The following DENND2D variants were observed in gnomAD, a reference collection of about 807,000 sequenced individuals.
DENND2D encodes DENN domain containing 2D.
DENND2D carries 37 observed loss-of-function variants against 59.8 expected under a neutral mutation model. The ratio of observed to expected loss-of-function variants is 0.62; its 90% CI spans 0.48 to 0.81. The LOEUF is 0.81. Ranked by LOEUF, DENND2D falls within the 40% of genes least tolerant of loss-of-function variation. The pLI is 0.00. For synonymous variants in DENND2D, 219 were observed against 211.3 expected, an observed-to-expected ratio of 1.04 and a Z score of -0.31; for missense variants, 525 against 579.7, an observed-to-expected ratio of 0.91 and a Z score of 0.97.
At chr1:111,188,591 T>C in intron 10 of DENND2D, 111 bp downstream of exon 10, 1 of 1,228,262 alleles carries the variant, frequency 8.1e-7, no homozygotes, top group Non-Finnish European at 1.2e-6. Flanking sequence ...TCTAGGCCTC[T>C]AGGGCTGGTC....
At chr1:111,193,016 G>C (rs912442929) in intron 7 of DENND2D, among the ~76,000 whole-genome samples, 1 of 152,124 alleles carries the variant, frequency 6.6e-6, no homozygotes, top group Non-Finnish European at 1.5e-5. Context: ...AGCATTTCTC[G>C]TCACTCCTGC....
intron 10 of DENND2D, 106 bp downstream of exon 10, chr1:111,188,596 C>G: frequency 8.1e-7 from 1 of 1,229,008 alleles, no homozygotes; most frequent in East Asian, 2.3e-5. Flanking sequence ...GCCTCTAGGG[C>G]TGGTCTAGGA....
chr1:111,198,913 T>A (rs77286992), intron 2 of DENND2D, among the ~76,000 whole-genome samples, 171 bp from the exon 3 acceptor site: 1,628 of 152,284 alleles, frequency 0.011, 28 homozygotes, highest in African/African-American at 0.037. Context: ...ACAGTTTGCA[T>A]TCTGGGTCCA....
rs943509499 is a variant in DENND2D, at chr1:111,187,534, C to G, written c.*71G>C. 1 of 1,354,414 alleles carries G rather than the reference C, an allele frequency of 7.4e-7. No homozygotes were observed. The highest frequency in any genetic ancestry group is 1.4e-5 in the African/African-American group (1 of 69,480). 83.9% of individuals were successfully genotyped at this position (1,354,414 alleles called of 1,614,324 possible). On this transcript the variant is annotated 3_prime_UTR_variant, in exon 12 of 12. Coordinates refer to ENST00000357640, the MANE Select transcript of DENND2D (RefSeq NM_024901.5). ...TTTGGGAGCTGACAGTTTTGCTGAT[C>G]CTGCCACACTGGCAGGGGCTGAAGT...
intron 11 of DENND2D, 62 bp from the exon 12 acceptor site, chr1:111,187,743 C>T (rs1157717805): frequency 7.6e-7 from 1 of 1,321,326 alleles, no homozygotes; most frequent in Non-Finnish European, 1.1e-6. Context: ...ATAATGAGCT[C>T]AGGAATAAGG....
At chr1:111,194,384 G>GT (rs1658031475) in intron 7 of DENND2D, among the ~76,000 whole-genome samples, 194 bp downstream of exon 7, 1 of 152,226 alleles carries the variant, frequency 6.6e-6, no homozygotes, top group Admixed American at 6.5e-5. Context: ...CCAGGCAGCA[G>GT]TCCTGTGTGG....
At position 111,200,635 on chromosome 1, in the gene DENND2D, C is replaced by T; in HGVS notation, c.-176G>A. 1 of 1,404,110 alleles carries T rather than the reference C, an allele frequency of 7.1e-7. No individual in the cohort carries two copies. The highest frequency in any genetic ancestry group is 9.4e-7 in the Non-Finnish European group (1 of 1,067,488). The allele number at this position is 1,404,110 out of a possible 1,614,324, so 87.0% of individuals were successfully genotyped here. ...CCATCCTGTGCACCCAGTGGTTGAG[C>T]AAGAAGGATGTGACGGGACCCAGGA... is the stretch of plus-strand genomic sequence containing the variant. On this transcript the variant is annotated 5_prime_UTR_variant, in exon 1 of 12. Transcript: ENST00000357640.
intron 6 of DENND2D, chr1:111,195,259 C>G (rs1219857826): frequency 6.5e-6 from 1 of 154,620 alleles, no homozygotes; most frequent in Non-Finnish European, 1.4e-5. Flanking sequence ...GGACCACATT[C>G]ATTTTGGTCA....
chr1:111,190,929 A>G (rs1326198096), intron 8 of DENND2D, among the ~76,000 whole-genome samples: 1 of 152,122 alleles, frequency 6.6e-6, no homozygotes, highest in East Asian at 1.9e-4. Context: ...GTGTGTATAA[A>G]TAATTTGTTT....
chr1:111,188,271 C>G lies in DENND2D; in HGVS notation c.1199G>C (p.Gly400Ala). Residue 400 changes from glycine (G) to alanine (A), a missense_variant, in exon 11 of 12, where the codon GGG (glycine) becomes GCG (alanine). Coordinates refer to ENST00000357640, the MANE Select transcript of DENND2D (RefSeq NM_024901.5). ...GGATCTTTCTTGGAAGTGGCCTTGC[C>G]CATTTGCCTCCCGCTTGATATAGGA... The part of the protein sequence containing the change: ...YASYIKREAN[G>A]QGHFQERSFC... 1 of 1,614,158 alleles carries G rather than the reference C, an allele frequency of 6.2e-7. No homozygotes were observed. Among genetic ancestry groups the G allele is most frequent in the Non-Finnish European group, 8.5e-7 (1 of 1,180,028 alleles).
At position 111,197,092 on chromosome 1, in the gene DENND2D, C is replaced by T. The variant is rs1658302513; in HGVS notation, c.504+84G>A. The stretch of plus-strand genomic sequence containing the variant: ...GACTCTGGCTATGGGAGAAGAGCTC[C>T]ACTAAGAGCTTAGTTGCACAGGCAG... On this transcript the variant is annotated intron_variant, in intron 5 of 11. Transcript: ENST00000357640. 8 of 1,440,632 alleles carry T rather than the reference C, an allele frequency of 5.6e-6. No homozygotes were observed. In the South Asian group the frequency reaches 9.7e-5, roughly 18 times the overall value. The allele number at this position is 1,440,632 out of a possible 1,614,324, so 89.2% of individuals were successfully genotyped here.
chr1:111,187,768 G>T, intron 11 of DENND2D, 87 bp from the exon 12 acceptor site: 1 of 1,085,054 alleles, frequency 9.2e-7, no homozygotes, highest in Non-Finnish European at 1.4e-6. Context: ...GAAATATCCT[G>T]TCTGCTCCCC....
chr1:111,188,695 G>GACTT lies in DENND2D; in HGVS notation c.1099+3_1099+6dup, dbSNP rs747744227. 7.5e-6 allele frequency: 12 copies of GACTT among 1,602,768 alleles called. No individual in the cohort carries two copies. Among genetic ancestry groups the GACTT allele is most frequent in the Non-Finnish European group, 9.4e-6 (11 of 1,169,856 alleles). ...TGGAGAGACCCAAAATAAGAGTAAG[G>GACTT]ACTTACTCTTTAACTCATTGATCCC... On this transcript the variant is annotated splice_region_variant and intron_variant, in intron 10 of 11. Coordinates refer to ENST00000357640, the MANE Select transcript of DENND2D (RefSeq NM_024901.5).
At chr1:111,192,390 C>T (rs1045750179) in intron 7 of DENND2D, 73 bp from the exon 8 acceptor site, 33 of 1,416,412 alleles carry the variant, frequency 2.3e-5, no homozygotes, top group Non-Finnish European at 3.1e-5. Flanking sequence ...CATCGCCCAC[C>T]ACCAACAGCA....
At position 111,187,632 on chromosome 1, in the gene DENND2D, C is replaced by T. The variant is rs768595210; in HGVS notation, c.1389G>A (p.Lys463=). 1.1e-5 allele frequency: 17 copies of T among 1,613,680 alleles called. No homozygotes were observed. Among genetic ancestry groups the T allele is most frequent in the Non-Finnish European group, 1.4e-5 (17 of 1,179,780 alleles). The change falls in exon 12 of 12, where the codon AAG becomes AAA. Residue 463 remains lysine, a synonymous_variant. Coordinates refer to ENST00000357640, the MANE Select transcript of DENND2D (RefSeq NM_024901.5). ...ILEYEEQKKQ[K]KPREKTVK ...ATTTCACAGTTTTTTCCCTTGGTTTCTTCTGTTTCTTCTGTTCCTCATATT... is the reference window on the plus strand; with the variant it reads ...ATTTCACAGTTTTTTCCCTTGGTTTTTTCTGTTTCTTCTGTTCCTCATATT...
chr1:111,187,413 C>T lies in DENND2D; in HGVS notation c.*192G>A, dbSNP rs999515453. 1 of 593,334 alleles carries T rather than the reference C, an allele frequency of 1.7e-6. No homozygotes were observed. Among genetic ancestry groups the T allele is most frequent in the Admixed American group, 3.0e-5 (1 of 33,784 alleles). The allele number at this position is 593,334 out of a possible 1,614,324, so 36.8% of individuals were successfully genotyped here. ...GTTCTGTGAGCATGGTGTCAGAGCC[C>T]TCCAAAGTCCTGAGAAATCAATACC... is the stretch of plus-strand genomic sequence containing the variant. On this transcript the variant is annotated 3_prime_UTR_variant, in exon 12 of 12. Transcript: ENST00000357640.
At position 111,192,291 on chromosome 1, in the gene DENND2D, G is replaced by C; in HGVS notation, c.821C>G (p.Ala274Gly). ...LSTLSQCIHA[A>G]AALLYPFSWA... is the part of the protein sequence containing the mutation. ...GCTGAAGGGGTAGAGCAGTGCGGCA[G>C]CAGCATGGATGCACTGAGACAAGGT... is the stretch of plus-strand genomic sequence containing the variant. The change falls in exon 8 of 12, where the codon GCT becomes GGT. Residue 274 changes from alanine to glycine, a missense_variant. Physicochemically the swap from Ala to Gly is moderately conservative, Grantham distance 60. Around this residue, in one of 3 missense-constraint regions of DENND2D, gnomAD observed 225 missense variants for 252.4 expected, o/e 0.89. Transcript: ENST00000357640. The C allele has an allele frequency of 6.2e-7, 1 of 1,610,040 alleles. No homozygotes were observed. Among genetic ancestry groups the C allele is most frequent in the Non-Finnish European group, 8.5e-7 (1 of 1,177,370 alleles).
intron 8 of DENND2D, among the ~76,000 whole-genome samples, chr1:111,191,829 A>T (rs1657802381): frequency 6.6e-6 from 1 of 152,216 alleles, no homozygotes; most frequent in African/African-American, 2.4e-5. Flanking sequence ...CAGCTGGCAC[A>T]GAACAGTCTG....
At chr1:111,189,102 T>G in intron 9 of DENND2D, 110 bp downstream of exon 9, 1 of 1,289,902 alleles carries the variant, frequency 7.8e-7, no homozygotes. Flanking sequence ...TAGCACAGAT[T>G]CTCACTCAAC....
Sources: gnomAD v4.1 joint callset for allele counts (sites outside exome capture counted in the v4.1 genomes callset) on GRCh38, gnomAD v4.1.1 for gene constraint, gnomAD v4.1.1 regional missense constraint, MANE v1.5 for transcripts, NCBI Gene and HGNC (gene_info 2026-07-23, HGNC 2026-07-21) for gene names.